Variants in UBE2E1 observed in about 807,000 individuals in gnomAD.
UBE2E1 encodes ubiquitin-conjugating enzyme E2 E1.
Under a neutral mutation model 21.4 loss-of-function variants are expected in UBE2E1, and 6 were observed. That is an observed-to-expected ratio of 0.28 (90% confidence interval 0.15 to 0.55). The LOEUF (loss-of-function observed/expected upper bound fraction) is 0.55. UBE2E1 is among the 20% of genes least tolerant of loss of function. UBE2E1 has a pLI of 0.93. For synonymous variants in UBE2E1, 87 were observed against 82.7 expected (o/e 1.05, Z -0.28); for missense variants, 142 against 236.5 (o/e 0.60, Z 2.62).
At chr3:23,814,284 A>G (rs1394265667) in intron 3 of UBE2E1, among the ~76,000 whole-genome samples, 1 of 152,252 alleles carries the variant, frequency 6.6e-6, no homozygotes, top group Non-Finnish European at 1.5e-5. Context: ...CTTATGTGAA[A>G]TGCAATTGCT....
At chr3:23,811,786 A>C (rs1699398268) in intron 3 of UBE2E1, among the ~76,000 whole-genome samples, 1 of 152,242 alleles carries the variant, frequency 6.6e-6, no homozygotes, top group Admixed American at 6.5e-5. Flanking sequence ...CTCCTTGCCT[A>C]ATCATGGGTC....
chr3:23,867,566 G>T (rs956768415), intron 3 of UBE2E1, among the ~76,000 whole-genome samples: 6 of 152,204 alleles, frequency 3.9e-5, no homozygotes, highest in African/African-American at 1.4e-4. Context: ...AAGGGAGAAA[G>T]AGCACCCTCT....
At chr3:23,881,239 T>C (rs912510281) in intron 3 of UBE2E1, among the ~76,000 whole-genome samples, 5 of 152,242 alleles carry the variant, frequency 3.3e-5, no homozygotes, top group Admixed American at 6.5e-5. Context: ...AATATTGTGT[T>C]AAAGTAGAAA....
chr3:23,882,157 A>G (rs1463605341), intron 3 of UBE2E1, among the ~76,000 whole-genome samples: 1 of 152,196 alleles, frequency 6.6e-6, no homozygotes, highest in Non-Finnish European at 1.5e-5. Flanking sequence ...TGGCTCTGGC[A>G]GCCTGCTTTT....
At position 23,842,857 on chromosome 3, in the gene UBE2E1, T is replaced by C. The variant is rs1340981542; in HGVS notation, c.203+31347T>C. Reference sequence around the variant, plus strand: ...GATGTTCAAAAGATCAAATTTTCCATATCTCTGTAATCTAACTATAACCTC... The same window carrying C: ...GATGTTCAAAAGATCAAATTTTCCACATCTCTGTAATCTAACTATAACCTC... On this transcript the variant is annotated intron_variant, in intron 3 of 5. Transcript: ENST00000306627. The surrounding 1 kb of genome is among the most constrained non-coding windows in gnomAD (Gnocchi z 4.6). Among the ~76,000 whole-genome samples the C allele has an allele frequency of 3.3e-5, 5 of 152,180 alleles. No homozygotes were observed. The highest frequency in any genetic ancestry group is 7.3e-5 in the Non-Finnish European group (5 of 68,028).
chr3:23,815,337 C>G (rs1401246324), intron 3 of UBE2E1, among the ~76,000 whole-genome samples: 1 of 151,934 alleles, frequency 6.6e-6, no homozygotes, highest in Non-Finnish European at 1.5e-5. Flanking sequence ...CTTTTGATAG[C>G]TTTTTTTTCC....
chr3:23,867,363 T>G lies in UBE2E1; in HGVS notation c.204-20204T>G, dbSNP rs557913496. Among the ~76,000 whole-genome samples, 4 of 152,238 alleles carry G rather than the reference T, an allele frequency of 2.6e-5. No homozygotes were observed. In the South Asian group the frequency reaches 6.2e-4, roughly 24 times the overall value. On this transcript the variant is annotated intron_variant, in intron 3 of 5. Transcript: ENST00000306627. ...CAAATAGTAGGTCAGAACAAACCTG[T>G]ATGTAATAAATTCTGGAGAATTGAG...
In UBE2E1 at chr3:23,842,068, C is replaced by T. The variant is rs990800898; in HGVS notation, c.203+30558C>T. The stretch of plus-strand genomic sequence containing the variant: ...ATCAGAAAATGCATTTACCTTAAAA[C>T]CTTTATTGTAACTAGGTGAAAGTAA... On this transcript the variant is annotated intron_variant, in intron 3 of 5. Transcript: ENST00000306627. This position sits in a 1 kb window ranked among gnomAD's most constrained non-coding sequence, Gnocchi z 4.6. Among the ~76,000 whole-genome samples, 5 of 152,058 alleles carry T rather than the reference C, an allele frequency of 3.3e-5. No homozygotes were observed. Among genetic ancestry groups the T allele is most frequent in the African/African-American group, 1.2e-4 (5 of 41,410 alleles).
At chr3:23,871,176 C>A (rs1700776876) in intron 3 of UBE2E1, among the ~76,000 whole-genome samples, 1 of 152,050 alleles carries the variant, frequency 6.6e-6, no homozygotes, top group Non-Finnish European at 1.5e-5. Context: ...ATGGCCCGTT[C>A]TCAATGAGCT....
chr3:23,809,812 T>A (rs1351059994), intron 2 of UBE2E1, among the ~76,000 whole-genome samples: 1 of 152,202 alleles, frequency 6.6e-6, no homozygotes, highest in East Asian at 1.9e-4. Context: ...AGGTAAAGAA[T>A]CAGGAAACCA....
intron 3 of UBE2E1, among the ~76,000 whole-genome samples, chr3:23,848,636 A>G (rs191171029): frequency 6.6e-6 from 1 of 152,346 alleles, no homozygotes; most frequent in East Asian, 1.9e-4. Flanking sequence ...TGCCCACATA[A>G]TGTGATATAA....
intron 3 of UBE2E1, among the ~76,000 whole-genome samples, chr3:23,820,119 C>T (rs898355181): frequency 6.6e-5 from 10 of 152,148 alleles, no homozygotes; most frequent in African/African-American, 1.7e-4. Context: ...TGCTGGCACC[C>T]GCCTGAGACA....
rs981566710 is a variant in UBE2E1 at position 23,810,714 on chromosome 3, G to T, written c.153-746G>T. ...CTGGGCGCCGGGAGAGGAGAGCTGGGGCGGCGCGGAGCAGCCCCCGTGCGG... is the reference window on the plus strand; with the variant it reads ...CTGGGCGCCGGGAGAGGAGAGCTGGTGCGGCGCGGAGCAGCCCCCGTGCGG... On this transcript the variant is annotated intron_variant, in intron 2 of 5. Transcript: ENST00000306627. This position sits in a 1 kb window ranked among gnomAD's most constrained non-coding sequence, Gnocchi z 5.8. 5.9e-6 allele frequency: 3 copies of T among 512,408 alleles called. No homozygotes were observed. The highest frequency in any genetic ancestry group is 9.9e-6 in the Non-Finnish European group (3 of 302,470). The allele number at this position is 512,408 out of a possible 1,614,324, so 31.7% of individuals were successfully genotyped here.
At position 23,807,369 on chromosome 3, in the gene UBE2E1, A is replaced by C. The variant is rs1254906556; in HGVS notation, c.100A>C (p.Ser34Arg). The change falls in exon 2 of 6, where the codon AGT (serine) becomes CGT (arginine). Residue 34 changes from serine to arginine, a missense_variant. Around this residue, in one of 2 missense-constraint regions of UBE2E1, gnomAD observed 55 missense variants for 51.5 expected, o/e 1.07. Transcript: ENST00000306627. ...KETNTPKKKE[S>R]KVSMSKNSKL... ...AACAAACACCCCCAAGAAGAAGGAG[A>C]GTAAAGTCAGCATGAGCAAAAACTC... The C allele has an allele frequency of 6.2e-7, 1 of 1,613,690 alleles. No individual in the cohort carries two copies. The highest frequency in any genetic ancestry group is 8.5e-7 in the Non-Finnish European group (1 of 1,179,932).
At chr3:23,855,694 G>T (rs1020952958) in intron 3 of UBE2E1, among the ~76,000 whole-genome samples, 2 of 152,190 alleles carry the variant, frequency 1.3e-5, no homozygotes, top group East Asian at 3.9e-4. Context: ...GCTGGGCGTG[G>T]TGGTGGGCGC....
intron 3 of UBE2E1, among the ~76,000 whole-genome samples, chr3:23,884,251 T>G (rs910612224): frequency 6.6e-6 from 1 of 152,144 alleles, no homozygotes; most frequent in Non-Finnish European, 1.5e-5. Flanking sequence ...ATAGCAATCT[T>G]AATTGGATTT....
intron 3 of UBE2E1, among the ~76,000 whole-genome samples, chr3:23,856,101 A>T (rs1370012281): frequency 1.3e-5 from 2 of 152,018 alleles, no homozygotes; most frequent in African/African-American, 4.8e-5. Context: ...ATCTCGGCTC[A>T]CTGCAACCTC....
intron 3 of UBE2E1, among the ~76,000 whole-genome samples, chr3:23,862,371 A>T (rs1700576358): frequency 6.6e-6 from 1 of 152,198 alleles, no homozygotes; most frequent in South Asian, 2.1e-4. Flanking sequence ...AAACGTATTA[A>T]GCTCTGTAAG....
At position 23,836,420 on chromosome 3, in the gene UBE2E1, G is replaced by C. The variant is rs965854617; in HGVS notation, c.203+24910G>C. Among the ~76,000 whole-genome samples the C allele has an allele frequency of 6.6e-6, 1 of 152,214 alleles. No individual in the cohort carries two copies. The highest frequency in any genetic ancestry group is 2.4e-5 in the African/African-American group (1 of 41,450). ...TGCTGTACTGGGGAAGACATAAACA[G>C]GAGAGACTAGGTCCAGACTCTGTTG... is the stretch of plus-strand genomic sequence containing the variant. On this transcript the variant is annotated intron_variant, in intron 3 of 5. Coordinates refer to ENST00000306627, the MANE Select transcript of UBE2E1 (RefSeq NM_003341.5). This position sits in a 1 kb window ranked among gnomAD's most constrained non-coding sequence, Gnocchi z 4.1.
Sources: allele counts gnomAD v4.1 joint callset (sites outside exome capture counted in the v4.1 genomes callset), GRCh38; gene constraint gnomAD v4.1.1; regional missense constraint gnomAD v4.1.1; non-coding constraint Gnocchi (gnomAD v3.1); transcripts MANE v1.5; gene names NCBI Gene and HGNC (gene_info 2026-07-23, HGNC 2026-07-21).